The following DNM3 variants were observed in gnomAD, a reference collection of about 807,000 sequenced individuals.
The protein encoded by DNM3 is dynamin-3.
In DNM3, 47 loss-of-function variants were observed where a neutral mutation model predicts 101.6. That is an observed-to-expected ratio of 0.46 (90% CI 0.37 to 0.59). DNM3 has a LOEUF of 0.59. Among genes scored for constraint, DNM3 ranks in the 20% least tolerant of loss-of-function variants. The probability of loss-of-function intolerance (pLI) is 0.00; values close to 1 mark genes in which losing one functional copy is unlikely to be tolerated. For synonymous variants in DNM3, 385 were observed against 387.9 expected (o/e 0.99, Z 0.09); for missense variants, 849 against 1,085.7 (o/e 0.78, Z 3.06).
At chr1:172,295,730 A>C (rs1486115058) in intron 15 of DNM3, among the ~76,000 whole-genome samples, 1 of 152,212 alleles carries the variant, frequency 6.6e-6, no homozygotes, top group Non-Finnish European at 1.5e-5. Flanking sequence ...GCACACAGTC[A>C]TGGCAAGATA....
intron 1 of DNM3, among the ~76,000 whole-genome samples, chr1:171,883,227 G>A (rs1285402702): frequency 6.6e-6 from 1 of 151,736 alleles, no homozygotes; most frequent in Non-Finnish European, 1.5e-5. Flanking sequence ...CAAAAACACT[G>A]TGACTGCATG....
intron 17 of DNM3, among the ~76,000 whole-genome samples, chr1:172,344,784 T>C (rs1227986125): frequency 6.6e-6 from 1 of 152,164 alleles, no homozygotes; most frequent in Non-Finnish European, 1.5e-5. Flanking sequence ...AAACTCGAAA[T>C]AGACGAGGAA....
chr1:172,020,135 T>C (rs1473308172), intron 4 of DNM3, among the ~76,000 whole-genome samples: 3 of 152,150 alleles, frequency 2.0e-5, no homozygotes, highest in African/African-American at 7.2e-5. Context: ...TGGTAAGATG[T>C]GGAGCGAGAG....
chr1:172,205,975 T>TCAAATCA (rs2060308631), intron 14 of DNM3, among the ~76,000 whole-genome samples: 1 of 151,900 alleles, frequency 6.6e-6, no homozygotes, highest in East Asian at 1.9e-4. Flanking sequence ...CAGTATCATG[T>TCAAATCA]GTTGGTCATT....
At chr1:172,381,860 A>G (rs142942249) in intron 18 of DNM3, among the ~76,000 whole-genome samples, 1 of 152,296 alleles carries the variant, frequency 6.6e-6, no homozygotes, top group Non-Finnish European at 1.5e-5. Context: ...CTCCAGAATC[A>G]ATAAATGCCT....
rs1433586527 is a variant in DNM3, at chr1:172,044,393, C to T, written c.1137C>T (p.Phe379=). Residue 379 remains phenylalanine (F), a synonymous_variant, in exon 9 of 21, where the codon TTC becomes TTT. Coordinates refer to ENST00000627582, the MANE Select transcript of DNM3 (RefSeq NM_015569.5). ...RFPFEIVKME[F]NEKELRREIS... is the part of the protein sequence containing the mutation. Reference sequence around the variant, plus strand: ...TCATTTTGCATCTGCAGATGGAGTTCAATGAGAAAGAATTGCGAAGAGAAA... The same window carrying T: ...TCATTTTGCATCTGCAGATGGAGTTTAATGAGAAAGAATTGCGAAGAGAAA... 21 of 1,606,612 alleles carry T rather than the reference C, an allele frequency of 1.3e-5. No homozygotes were observed. In the Admixed American group the frequency reaches 3.5e-4, roughly 27 times the overall value.
At chr1:172,192,861 G>A (rs2059787843) in intron 14 of DNM3, among the ~76,000 whole-genome samples, 1 of 151,290 alleles carries the variant, frequency 6.6e-6, no homozygotes. Flanking sequence ...CTTTATAGCA[G>A]CATGATTTAT....
At chr1:172,136,481 A>G (rs900373756) in intron 14 of DNM3, 1 of 152,176 alleles carries the variant, frequency 6.6e-6, no homozygotes, top group Non-Finnish European at 1.5e-5. Flanking sequence ...TAAGTTATTT[A>G]GTTAGCCAAA....
At chr1:172,263,809 C>T (rs888243797) in intron 15 of DNM3, among the ~76,000 whole-genome samples, 9 of 152,092 alleles carry the variant, frequency 5.9e-5, no homozygotes, top group Non-Finnish European at 1.0e-4. Flanking sequence ...ATATCATACT[C>T]CAATTAAAAT....
intron 4 of DNM3, among the ~76,000 whole-genome samples, chr1:172,028,206 G>GT (rs2048348565): frequency 6.6e-6 from 1 of 152,042 alleles, no homozygotes; most frequent in Non-Finnish European, 1.5e-5. Flanking sequence ...AATGGAAATC[G>GT]TAACTAACAG....
At chr1:171,897,227 TTAGTGTAGAGTTGCCACC>T (rs2037895416) in intron 1 of DNM3, among the ~76,000 whole-genome samples, 1 of 152,192 alleles carries the variant, frequency 6.6e-6, no homozygotes, top group African/African-American at 2.4e-5. Context: ...AAAATGGCAA[TTAGTGTAGAGTTGCCACC>T]TTTTTATTTT....
intron 4 of DNM3, among the ~76,000 whole-genome samples, chr1:172,027,995 G>A (rs2048334405): frequency 6.6e-6 from 1 of 152,064 alleles, no homozygotes; most frequent in East Asian, 1.9e-4. Flanking sequence ...ACACCCTACT[G>A]CCAATATTAG....
At chr1:172,157,571 C>T (rs2058387227) in intron 14 of DNM3, among the ~76,000 whole-genome samples, 1 of 152,002 alleles carries the variant, frequency 6.6e-6, no homozygotes, top group Admixed American at 6.6e-5. Context: ...GGTTTCACAT[C>T]TGTGGATTCA....
rs115168970 is a variant in DNM3, at chr1:172,037,732, G to A, written c.850-587G>A. ...AGATGGTTATGTCAAGCCTTCAATA[G>A]CAGAGAGAGCTTTCCCTTACTCAGT... is the stretch of plus-strand genomic sequence containing the variant. On this transcript the variant is annotated intron_variant, in intron 6 of 20. Transcript: ENST00000627582. Among the ~76,000 whole-genome samples, 1,057 of 152,262 alleles carry A rather than the reference G, an allele frequency of 6.9e-3. 20 individuals are homozygous for A. Among genetic ancestry groups the A allele is most frequent in the African/African-American group, 0.024 (996 of 41,558 alleles).
chr1:172,199,715 G>A (rs1195810916), intron 14 of DNM3, among the ~76,000 whole-genome samples: 2 of 152,004 alleles, frequency 1.3e-5, no homozygotes, highest in Non-Finnish European at 2.9e-5. Context: ...CTGAAATTAG[G>A]ATTGCTATCC....
At chr1:172,190,913 T>C (rs1206813041) in intron 14 of DNM3, among the ~76,000 whole-genome samples, 3 of 152,250 alleles carry the variant, frequency 2.0e-5, no homozygotes, top group African/African-American at 4.8e-5. Context: ...ATTCTGGATA[T>C]TAGCCTTTTG....
chr1:172,394,446 G>A (rs1440863666), intron 20 of DNM3: 1 of 152,198 alleles, frequency 6.6e-6, no homozygotes, highest in Non-Finnish European at 1.5e-5. Flanking sequence ...AAATAAGAAA[G>A]GATCTACATA....
intron 4 of DNM3, among the ~76,000 whole-genome samples, chr1:172,029,075 C>T (rs147942882): frequency 0.029 from 4,450 of 152,266 alleles, 129 homozygotes; most frequent in East Asian, 0.15. Flanking sequence ...CAGCATCATC[C>T]TGATACCAAA....
chr1:172,359,069 G>A lies in DNM3; in HGVS notation c.1894-19949G>A, dbSNP rs562954324. ...CCCTCTGGTGGCTCAGACGGGGCCTGGGGCATCACTGAATTTATACTGAAA... is the reference window on the plus strand; with the variant it reads ...CCCTCTGGTGGCTCAGACGGGGCCTAGGGCATCACTGAATTTATACTGAAA... On this transcript the variant is annotated intron_variant, in intron 17 of 20. Coordinates refer to ENST00000627582, the MANE Select transcript of DNM3 (RefSeq NM_015569.5). 4.6e-4 allele frequency among the ~76,000 whole-genome samples: 69 copies of A among 151,218 alleles called. 1 individual carries two copies. Among genetic ancestry groups the A allele is most frequent in the Admixed American group, 1.9e-3 (28 of 15,096 alleles).
Sources: allele counts gnomAD v4.1 joint callset (sites outside exome capture counted in the v4.1 genomes callset), GRCh38; gene constraint gnomAD v4.1.1; transcripts MANE v1.5; gene names NCBI Gene and HGNC (gene_info 2026-07-23, HGNC 2026-07-21).